ADAT1: variants seen among roughly 807,000 people sequenced by gnomAD.
ADAT1 encodes the protein tRNA-specific adenosine deaminase 1.
Under a neutral mutation model 58.6 loss-of-function variants are expected in ADAT1, and 58 were observed. The ratio of observed to expected loss-of-function variants is 0.99; its 90% CI spans 0.80 to 1.23. The LOEUF is 1.23. Ranked by LOEUF, ADAT1 falls within the 50% of genes most tolerant of loss-of-function variation. ADAT1 has a pLI of 0.00. For synonymous variants in ADAT1, 254 were observed against 220.8 expected (o/e 1.15, Z -1.33); for missense variants, 741 against 608.6 (o/e 1.22, Z -2.29).
In ADAT1 at chr16:75,603,072, T is replaced by C; in HGVS notation, c.1376+13A>G. 5.6e-6 allele frequency: 9 copies of C among 1,611,916 alleles called. No homozygotes were observed. The highest frequency in any genetic ancestry group is 7.6e-6 in the Non-Finnish European group (9 of 1,178,192). ...CTACCTAAATATGAGAAAACATAGG[T>C]CAACAGCATCACCTGAGGGAGTGTG... On this transcript the variant is annotated intron_variant, in intron 9 of 9. Coordinates refer to ENST00000564657, the MANE Select transcript of ADAT1 (RefSeq NM_001324445.2).
In ADAT1 at chr16:75,597,312, C is replaced by T. The variant is rs2081093403; in HGVS notation, c.*2904G>A. On this transcript the variant is annotated 3_prime_UTR_variant, in exon 10 of 10. Transcript: ENST00000564657. ...AAGAAGGCCATGCGAGACACAGACA[C>T]AGAAGGCCATGTGAAGACGGAGGGA... 2.3e-6 allele frequency: 1 copy of T among 432,276 alleles called. No homozygotes were observed. The highest frequency in any genetic ancestry group is 2.0e-5 in the African/African-American group (1 of 49,446). The allele number at this position is 432,276 out of a possible 1,614,324, so 26.8% of individuals were successfully genotyped here. A position where few individuals can be genotyped will look rare whatever the true frequency, so the allele number is the denominator to read the frequency against.
rs1597080090 is a variant in ADAT1, at chr16:75,599,129, T to A, written c.*1087A>T. ...TAGGGTCTTGCTCTATCACCCAGGCTGGAGTGCAGCGGTACGATCTTTGCT... is the reference window on the plus strand; with the variant it reads ...TAGGGTCTTGCTCTATCACCCAGGCAGGAGTGCAGCGGTACGATCTTTGCT... On this transcript the variant is annotated 3_prime_UTR_variant, in exon 10 of 10. Coordinates refer to ENST00000564657, the MANE Select transcript of ADAT1 (RefSeq NM_001324445.2). 2.1e-6 allele frequency: 2 copies of A among 973,168 alleles called. No individual in the cohort carries two copies. Among genetic ancestry groups the A allele is most frequent in the Non-Finnish European group, 1.2e-6 (1 of 824,574 alleles). The allele number at this position is 973,168 out of a possible 1,614,324, so 60.3% of individuals were successfully genotyped here. A position where few individuals can be genotyped will look rare whatever the true frequency, so the allele number is the denominator to read the frequency against.
chr16:75,619,736 C>T (rs372262436), intron 3 of ADAT1: 61 of 402,348 alleles, frequency 1.5e-4, no homozygotes, highest in African/African-American at 1.0e-3. Context: ...CATGGTGAAA[C>T]CCCGTCTCTA....
At chr16:75,611,760 C>T (rs770654851) in intron 6 of ADAT1, among the ~76,000 whole-genome samples, 1 of 151,206 alleles carries the variant, frequency 6.6e-6, no homozygotes, top group Non-Finnish European at 1.5e-5. Context: ...TACTTTTCTT[C>T]TTTAAAAAAA....
chr16:75,620,896 G>C, intron 1 of ADAT1, 76 bp from the exon 2 acceptor site: 8 of 1,282,758 alleles, frequency 6.2e-6, no homozygotes, highest in Non-Finnish European at 8.5e-6. Flanking sequence ...TCATATCCAT[G>C]CTTCGAGTCT....
At chr16:75,609,154 T>C (rs2081449337) in intron 6 of ADAT1, among the ~76,000 whole-genome samples, 166 bp from the exon 7 acceptor site, 1 of 152,166 alleles carries the variant, frequency 6.6e-6, no homozygotes, top group South Asian at 2.1e-4. Flanking sequence ...AAGCACCTCA[T>C]GGCTGGAAGA....
At chr16:75,600,634 C>T (rs1021629241) in intron 9 of ADAT1, among the ~76,000 whole-genome samples, 2 of 152,234 alleles carry the variant, frequency 1.3e-5, no homozygotes, top group South Asian at 2.1e-4. Flanking sequence ...CCAGTTTTAT[C>T]TAACAGCTAC....
intron 1 of ADAT1, among the ~76,000 whole-genome samples, 200 bp downstream of exon 1, chr16:75,622,203 G>A (rs1272041603): frequency 3.3e-5 from 5 of 152,198 alleles, no homozygotes; most frequent in Non-Finnish European, 2.9e-5. Context: ...TTTGAAAGAT[G>A]GTATTGTTAT....
rs373473727 is a variant in ADAT1 at position 75,609,116 on chromosome 16, C to G, written c.1044-128G>C. The G allele has an allele frequency of 1.2e-4, 128 of 1,097,384 alleles. No individual in the cohort carries two copies. The African/African-American group carries it at 1.5e-3, about 13-fold the overall frequency. The allele number at this position is 1,097,384 out of a possible 1,614,324, so 68.0% of individuals were successfully genotyped here. A position where few individuals can be genotyped will look rare whatever the true frequency, so the allele number is the denominator to read the frequency against. ...GGATTTGTTTATTTATTTGGGCAGA[C>G]AGTGTTTCAGAATAGAATCAAGATT... On this transcript the variant is annotated intron_variant, in intron 6 of 9. Coordinates refer to ENST00000564657, the MANE Select transcript of ADAT1 (RefSeq NM_001324445.2).
intron 8 of ADAT1, among the ~76,000 whole-genome samples, chr16:75,607,433 C>A (rs551067479): frequency 6.8e-6 from 1 of 147,460 alleles, no homozygotes; most frequent in East Asian, 2.2e-4. Flanking sequence ...ACCCCAGGGG[C>A]GGAGGTTGCA....
intron 1 of ADAT1, among the ~76,000 whole-genome samples, chr16:75,622,182 T>C (rs1294321703): frequency 6.6e-6 from 1 of 152,128 alleles, no homozygotes; most frequent in African/African-American, 2.4e-5. Flanking sequence ...TGAGCTCCAG[T>C]GCATGCAGCT....
chr16:75,612,904 G>C (rs1471662013), intron 5 of ADAT1, 43 bp from the exon 6 acceptor site: 55 of 1,582,724 alleles, frequency 3.5e-5, no homozygotes, highest in Non-Finnish European at 4.3e-5. Flanking sequence ...TCTCAAGTGA[G>C]GTCCCTGGAC....
At chr16:75,617,848 G>A (rs1236502405) in intron 4 of ADAT1, among the ~76,000 whole-genome samples, 1 of 150,828 alleles carries the variant, frequency 6.6e-6, no homozygotes, top group African/African-American at 2.4e-5. Flanking sequence ...CACTTTAGGA[G>A]GCTGAGGCAG....
At chr16:75,608,416 C>T in intron 7 of ADAT1, 93 bp from the exon 8 acceptor site, 1 of 1,069,064 alleles carries the variant, frequency 9.4e-7, no homozygotes. Flanking sequence ...ACTCTACAGA[C>T]CCATGAGAGC....
intron 1 of ADAT1, among the ~76,000 whole-genome samples, chr16:75,621,165 T>C (rs1213968611): frequency 6.6e-6 from 1 of 152,036 alleles, no homozygotes; most frequent in African/African-American, 2.4e-5. Context: ...AAACGGCATG[T>C]AAAGGGTTGC....
At position 75,599,776 on chromosome 16, in the gene ADAT1, C is replaced by T; in HGVS notation, c.*440G>A. The T allele has an allele frequency of 3.0e-6, 3 of 992,678 alleles. No individual in the cohort carries two copies. Among genetic ancestry groups the T allele is most frequent in the South Asian group, 9.0e-5 (2 of 22,178 alleles). 61.5% of individuals were successfully genotyped at this position (992,678 alleles called of 1,614,324 possible). Reference sequence around the variant, plus strand: ...TCACTGAAGAATGGGAAAAGAATGGCTCCCTGAAGAAAGAAAGGCTGGGAA... The same window carrying T: ...TCACTGAAGAATGGGAAAAGAATGGTTCCCTGAAGAAAGAAAGGCTGGGAA... On this transcript the variant is annotated 3_prime_UTR_variant, in exon 10 of 10. Transcript: ENST00000564657.
intron 5 of ADAT1, among the ~76,000 whole-genome samples, chr16:75,615,839 T>C (rs1456629493): frequency 1.3e-5 from 2 of 152,194 alleles, no homozygotes; most frequent in African/African-American, 4.8e-5. Context: ...AGGAGATTCA[T>C]GTGCATATTA....
At chr16:75,608,534 A>C in intron 7 of ADAT1, 2 of 582,012 alleles carry the variant, frequency 3.4e-6, no homozygotes, top group Non-Finnish European at 6.1e-6. Flanking sequence ...ACAATCACTG[A>C]GCATTTATTA....
intron 3 of ADAT1, 128 bp from the exon 4 acceptor site, chr16:75,618,768 A>G: frequency 9.8e-7 from 1 of 1,023,762 alleles, no homozygotes; most frequent in Non-Finnish European, 1.4e-6. Context: ...GCTTTGCCAG[A>G]AGGTACCACA....
Sources: allele counts gnomAD v4.1 joint callset (sites outside exome capture counted in the v4.1 genomes callset), GRCh38; gene constraint gnomAD v4.1.1; transcripts MANE v1.5; gene names NCBI Gene and HGNC (gene_info 2026-07-23, HGNC 2026-07-21).